The following ELAVL2 variants were observed in gnomAD, a reference collection of about 807,000 sequenced individuals.
ELAVL2 encodes the protein ELAV like RNA binding protein 2.
In ELAVL2, 4 loss-of-function variants were observed where a neutral mutation model predicts 34.6. The observed-to-expected ratio is 0.12, with a 90% CI of 0.06 to 0.26. ELAVL2 has a LOEUF of 0.26. Among genes scored for constraint, ELAVL2 ranks in the 10% least tolerant of loss-of-function variants. The probability of loss-of-function intolerance (pLI) is 1.00; values close to 1 mark genes in which losing one functional copy is unlikely to be tolerated. For missense variants in ELAVL2, 432 were observed against 442.8 expected, an observed-to-expected ratio of 0.98 and a Z score of 0.22; for synonymous variants, 193 against 154.8, an observed-to-expected ratio of 1.25 and a Z score of -1.83.
chr9:23,696,629 C>A (rs1370265653), intron 5 of ELAVL2, among the ~76,000 whole-genome samples: 1 of 150,346 alleles, frequency 6.7e-6, no homozygotes. Flanking sequence ...ACCACCACGT[C>A]CGGCTAATTT....
the ELAVL2 span, among the ~76,000 whole-genome samples, chr9:23,834,098 T>C: frequency 6.6e-6 from 1 of 151,990 alleles, no homozygotes; most frequent in African/African-American, 2.4e-5. Context: ...AGACAATAAA[T>C]GCTTGAAGGA....
intron 2 of ELAVL2, among the ~76,000 whole-genome samples, chr9:23,745,787 A>T (rs1263161091): frequency 6.6e-6 from 1 of 152,196 alleles, no homozygotes; most frequent in Non-Finnish European, 1.5e-5. Context: ...TCAGAGGCAA[A>T]TCTGTTTTAC....
chr9:23,804,612 A>G (rs968775780), intron 1 of ELAVL2, among the ~76,000 whole-genome samples: 21 of 152,244 alleles, frequency 1.4e-4, no homozygotes, highest in African/African-American at 5.1e-4. Context: ...ATGTAAATTT[A>G]AAGATAGAAA....
chr9:23,692,771 T>C lies in ELAVL2; in HGVS notation c.866A>G (p.Glu289Gly). ...CCCAAACATTTGCCACAGGATACTC[T>C]CATCTGCGTCAGGAGCCAGGTTGTA... The part of the protein sequence containing the change: ...FVYNLAPDAD[E>G]SILWQMFGPF... The change falls in exon 7 of 7, where the codon GAG becomes GGG. Residue 289 changes from glutamate (E) to glycine (G), a missense_variant. This residue lies in a region of ELAVL2 where 295 missense variants were observed against 306.1 expected (regional missense o/e 0.96). Transcript: ENST00000397312. 1 of 1,614,182 alleles carries C rather than the reference T, an allele frequency of 6.2e-7. No individual in the cohort carries two copies. The highest frequency in any genetic ancestry group is 8.5e-7 in the Non-Finnish European group (1 of 1,180,010).
At position 23,757,403 on chromosome 9, in the gene ELAVL2, C is replaced by A. The variant is rs77914961; in HGVS notation, c.229+4603G>T. Among the ~76,000 whole-genome samples the A allele has an allele frequency of 1.1e-3, 169 of 152,150 alleles. 2 individuals carry two copies. In the East Asian group the frequency reaches 0.016, roughly 14 times the overall value. On this transcript the variant is annotated intron_variant, in intron 2 of 6. Transcript: ENST00000397312. ...ATCAGAATTCTGGTCCCTACTCTAC[C>A]GCTTAATAGCTCTGTGGCCTTGAAC... is the stretch of plus-strand genomic sequence containing the variant.
At chr9:23,777,880 T>A (rs1418291512) in intron 1 of ELAVL2, among the ~76,000 whole-genome samples, 3 of 152,104 alleles carry the variant, frequency 2.0e-5, no homozygotes, top group African/African-American at 7.2e-5. Context: ...ATAACCAAAA[T>A]GGAAACAAGT....
At chr9:23,790,143 A>G (rs1442489958) in intron 1 of ELAVL2, among the ~76,000 whole-genome samples, 1 of 152,190 alleles carries the variant, frequency 6.6e-6, no homozygotes, top group Non-Finnish European at 1.5e-5. Context: ...ACCAATGTAA[A>G]AGAGGCAGGT....
intron 5 of ELAVL2, among the ~76,000 whole-genome samples, chr9:23,694,682 C>A (rs2034475199): frequency 6.6e-6 from 1 of 152,200 alleles, no homozygotes; most frequent in African/African-American, 2.4e-5. Context: ...TTTGTAAAAG[C>A]CAAAACACAT....
At chr9:23,750,050 C>T (rs2051514719) in intron 2 of ELAVL2, among the ~76,000 whole-genome samples, 1 of 150,062 alleles carries the variant, frequency 6.7e-6, no homozygotes, top group Admixed American at 6.7e-5. Context: ...AAAAAAGACT[C>T]TTTAAAAGTC....
intron 6 of ELAVL2, 21 bp from the exon 7 acceptor site, chr9:23,692,905 T>A: frequency 5.0e-6 from 8 of 1,592,332 alleles, no homozygotes; most frequent in Non-Finnish European, 6.9e-6. Context: ...GAATAGGAAA[T>A]ACACACATAC....
intron 3 of ELAVL2, among the ~76,000 whole-genome samples, chr9:23,706,867 A>G (rs1044840204): frequency 7.2e-5 from 11 of 152,190 alleles, no homozygotes; most frequent in Non-Finnish European, 4.4e-5. Flanking sequence ...AGAAAAAAAT[A>G]TAAGCCACAT....
chr9:23,820,344 C>G (rs1005469404), intron 1 of ELAVL2, among the ~76,000 whole-genome samples: 5 of 152,116 alleles, frequency 3.3e-5, no homozygotes, highest in Admixed American at 6.5e-5. Flanking sequence ...GTTTTAAAAG[C>G]GCTTTTGTCC....
chr9:23,797,656 G>A (rs2061104109), intron 1 of ELAVL2, among the ~76,000 whole-genome samples: 1 of 152,244 alleles, frequency 6.6e-6, no homozygotes, highest in Non-Finnish European at 1.5e-5. Context: ...ATGCGGGCGT[G>A]GTGGCTTACG....
intron 1 of ELAVL2, chr9:23,821,892 G>GCGGGGCCGGCGGCGAGTTCGCGGCGC (rs2064833780): frequency 6.6e-6 from 1 of 151,258 alleles, no homozygotes. Context: ...GCGCCAGGAG[G>GCGGGGCCGGCGGCGAGTTCGCGGCGC]CGGGGCCGGC....
intron 1 of ELAVL2, among the ~76,000 whole-genome samples, chr9:23,795,356 C>T (rs1369649705): frequency 6.6e-6 from 1 of 151,956 alleles, no homozygotes; most frequent in Non-Finnish European, 1.5e-5. Context: ...ACAGCGTGGC[C>T]AACATGGTAA....
chr9:23,784,098 T>C (rs2136944502), intron 1 of ELAVL2, among the ~76,000 whole-genome samples: 1 of 152,140 alleles, frequency 6.6e-6, no homozygotes, highest in South Asian at 2.1e-4. Context: ...CTGAGGAGGC[T>C]GAGACAGGAG....
At chr9:23,693,959 A>G (rs1240070987) in intron 5 of ELAVL2, among the ~76,000 whole-genome samples, 1 of 152,234 alleles carries the variant, frequency 6.6e-6, no homozygotes, top group Non-Finnish European at 1.5e-5. Context: ...TGCAGGTTAC[A>G]GAATTCTATA....
At chr9:23,843,863 T>C in the ELAVL2 span, among the ~76,000 whole-genome samples, 14 of 151,974 alleles carry the variant, frequency 9.2e-5, no homozygotes, top group African/African-American at 3.4e-4. Context: ...ACATAATCAA[T>C]ATATTAAAGG....
At chr9:23,769,202 C>CACAA (rs199697912) in intron 1 of ELAVL2, among the ~76,000 whole-genome samples, 2 of 152,056 alleles carry the variant, frequency 1.3e-5, no homozygotes, top group South Asian at 2.1e-4. Flanking sequence ...ACATACAAAA[C>CACAA]ACAAACAAAC....
Sources: gnomAD v4.1 joint callset for allele counts (sites outside exome capture counted in the v4.1 genomes callset) on GRCh38, gnomAD v4.1.1 for gene constraint, gnomAD v4.1.1 regional missense constraint, MANE v1.5 for transcripts, NCBI Gene and HGNC (gene_info 2026-07-23, HGNC 2026-07-21) for gene names.